TENM3: variants seen among roughly 807,000 people sequenced by gnomAD.
The protein encoded by TENM3 is teneurin transmembrane protein 3, also known as teneurin-3.
TENM3 carries 63 observed loss-of-function variants against 255.1 expected under a neutral mutation model. The observed-to-expected ratio is 0.25, with a 90% CI of 0.20 to 0.30. The LOEUF is 0.30. Ranked by LOEUF, TENM3 falls within the 10% of genes least tolerant of loss-of-function variation. The pLI is 1.00. For missense variants in TENM3, 2,929 were observed against 3,461.1 expected (o/e 0.85, Z 3.86); for synonymous variants, 1,306 against 1,322.3 (o/e 0.99, Z 0.27).
At chr4:182,067,047 C>A in the TENM3 span, among the ~76,000 whole-genome samples, 2 of 152,140 alleles carry the variant, frequency 1.3e-5, no homozygotes, top group South Asian at 4.1e-4. Flanking sequence ...GTTCTGGGAG[C>A]CTCCTTATCT....
intron 1 of TENM3, among the ~76,000 whole-genome samples, chr4:182,229,548 G>C (rs1288299450): frequency 1.3e-5 from 2 of 151,938 alleles, no homozygotes; most frequent in Non-Finnish European, 2.9e-5. Flanking sequence ...TACCAAGAGA[G>C]CAAAATTTTG....
chr4:181,471,410 A>G, the TENM3 span, among the ~76,000 whole-genome samples: 2 of 152,224 alleles, frequency 1.3e-5, no homozygotes, highest in Non-Finnish European at 2.9e-5. Flanking sequence ...GCAGCAGTCT[A>G]TAAGAAGACT....
chr4:181,578,619 A>G, the TENM3 span, among the ~76,000 whole-genome samples: 1 of 152,104 alleles, frequency 6.6e-6, no homozygotes, highest in Non-Finnish European at 1.5e-5. Flanking sequence ...TCTGTACTTC[A>G]GACTTTGCCA....
chr4:182,389,925 T>G (rs1768307842), intron 3 of TENM3, among the ~76,000 whole-genome samples: 1 of 152,102 alleles, frequency 6.6e-6, no homozygotes. Flanking sequence ...GACCTCGTGA[T>G]CCGCCCGCCT....
chr4:182,068,614 A>G, the TENM3 span, among the ~76,000 whole-genome samples: 5 of 152,188 alleles, frequency 3.3e-5, no homozygotes, highest in Admixed American at 3.3e-4. Context: ...CCAGAATTAT[A>G]TCATAAAAGA....
At chr4:182,314,960 G>C (rs1232626976) in intron 1 of TENM3, among the ~76,000 whole-genome samples, 2 of 152,020 alleles carry the variant, frequency 1.3e-5, no homozygotes, top group Non-Finnish European at 2.9e-5. Context: ...TGCTGTTTCA[G>C]TGCCCTGTTT....
intron 3 of TENM3, among the ~76,000 whole-genome samples, chr4:182,475,224 A>G (rs779376711): frequency 2.0e-5 from 3 of 152,158 alleles, no homozygotes; most frequent in Non-Finnish European, 4.4e-5. Flanking sequence ...TCATATTAGA[A>G]CGGAAGACTG....
At chr4:181,493,043 A>T in the TENM3 span, among the ~76,000 whole-genome samples, 1 of 152,096 alleles carries the variant, frequency 6.6e-6, no homozygotes, top group East Asian at 1.9e-4. Flanking sequence ...TTTGGAATGA[A>T]GAATAAGCAC....
intron 3 of TENM3, among the ~76,000 whole-genome samples, chr4:182,386,335 T>C (rs1767912675): frequency 6.6e-6 from 1 of 152,246 alleles, no homozygotes; most frequent in African/African-American, 2.4e-5. Flanking sequence ...ATAGCACTGC[T>C]GAAGTGTTTG....
At chr4:181,860,433 A>T in the TENM3 span, among the ~76,000 whole-genome samples, 6 of 152,226 alleles carry the variant, frequency 3.9e-5, no homozygotes, top group African/African-American at 1.2e-4. Context: ...CAAGTGTTAC[A>T]TGACTGTATC....
intron 3 of TENM3, among the ~76,000 whole-genome samples, chr4:182,359,596 T>A (rs1264353244): frequency 2.0e-5 from 3 of 148,166 alleles, no homozygotes; most frequent in Non-Finnish European, 3.0e-5. Context: ...TGCATCTATT[T>A]GATTCTTCTC....
At chr4:182,764,537 A>AT (rs1328371009) in intron 22 of TENM3, among the ~76,000 whole-genome samples, 3 of 152,174 alleles carry the variant, frequency 2.0e-5, no homozygotes, top group African/African-American at 7.2e-5. Flanking sequence ...AAGGGAGGTA[A>AT]TTTTTAAGAT....
intron 1 of TENM3, among the ~76,000 whole-genome samples, chr4:182,152,677 A>G (rs1750422474): frequency 6.6e-6 from 1 of 151,924 alleles, no homozygotes; most frequent in African/African-American, 2.4e-5. Context: ...AATTTAAAAA[A>G]TTACACATGT....
intron 3 of TENM3, among the ~76,000 whole-genome samples, chr4:182,581,827 CTA>C (rs2152361071): frequency 6.6e-6 from 1 of 152,130 alleles, no homozygotes; most frequent in South Asian, 2.1e-4. Context: ...CTGAGATGTA[CTA>C]TAAGGCCAAG....
intron 1 of TENM3, among the ~76,000 whole-genome samples, chr4:182,290,529 G>A (rs552705974): frequency 6.6e-6 from 1 of 152,294 alleles, no homozygotes; most frequent in Admixed American, 6.5e-5. Flanking sequence ...ATTTGAGACA[G>A]TCTTGCTTTG....
the TENM3 span, among the ~76,000 whole-genome samples, chr4:181,700,110 C>T: frequency 1.0e-3 from 156 of 152,208 alleles, 1 homozygote; most frequent in Non-Finnish European, 1.5e-3. Flanking sequence ...ACACTGACCG[C>T]GTGAAACAGT....
At chr4:181,653,971 C>T in the TENM3 span, among the ~76,000 whole-genome samples, 2 of 151,754 alleles carry the variant, frequency 1.3e-5, no homozygotes. Context: ...CAATGCCTGT[C>T]CTTCTTTGGT....
At chr4:182,560,025 C>A (rs954813028) in intron 3 of TENM3, among the ~76,000 whole-genome samples, 5 of 151,184 alleles carry the variant, frequency 3.3e-5, no homozygotes, top group African/African-American at 1.2e-4. Context: ...TTCTCATGTA[C>A]CCCACAAATA....
chr4:182,349,639 G>A (rs1049453343), intron 3 of TENM3, among the ~76,000 whole-genome samples: 2 of 151,960 alleles, frequency 1.3e-5, no homozygotes, highest in East Asian at 1.9e-4. Context: ...ATAAATAATC[G>A]TCTCAAAACT....
Sources: allele counts gnomAD v4.1 joint callset (sites outside exome capture counted in the v4.1 genomes callset), GRCh38; gene constraint gnomAD v4.1.1; transcripts MANE v1.5; gene names NCBI Gene and HGNC (gene_info 2026-07-23, HGNC 2026-07-21).